Variants in USP28 observed in about 807,000 individuals in gnomAD.
USP28 encodes ubiquitin carboxyl-terminal hydrolase 28.
Under a neutral mutation model 145.0 loss-of-function variants are expected in USP28, and 113 were observed. The ratio of observed to expected loss-of-function variants is 0.78; its 90% CI spans 0.67 to 0.91. USP28 has a LOEUF of 0.91. USP28 is among the 40% of genes least tolerant of loss of function. USP28 has a pLI of 0.00. For synonymous variants in USP28, 447 were observed against 450.9 expected (o/e 0.99, Z 0.11); for missense variants, 1,201 against 1,289.6 (o/e 0.93, Z 1.05).
chr11:113,857,191 T>C (rs1947143899), intron 1 of USP28, among the ~76,000 whole-genome samples: 1 of 152,188 alleles, frequency 6.6e-6, no homozygotes, highest in Non-Finnish European at 1.5e-5. Context: ...ATACAGCAAT[T>C]TCCCCTGCTT....
At chr11:113,823,366 C>T (rs962683332) in intron 12 of USP28, among the ~76,000 whole-genome samples, 2 of 152,150 alleles carry the variant, frequency 1.3e-5, no homozygotes, top group Non-Finnish European at 2.9e-5. Context: ...CCTTGGTACA[C>T]TGCAGTAACT....
intron 3 of USP28, among the ~76,000 whole-genome samples, chr11:113,850,107 T>C (rs1374886544): frequency 2.0e-5 from 3 of 152,008 alleles, no homozygotes; most frequent in African/African-American, 4.8e-5. Flanking sequence ...AATTTCCCAA[T>C]CTAAGATAAC....
exon 25 of USP28, chr11:113,799,119 G>T: frequency 2.8e-6 from 3 of 1,088,426 alleles, no homozygotes; most frequent in Non-Finnish European, 4.0e-6. Flanking sequence ...GCATGGTTGG[G>T]GTCTGATCGG....
intron 3 of USP28, among the ~76,000 whole-genome samples, chr11:113,852,029 C>CT (rs953213157): frequency 1.6e-4 from 25 of 151,658 alleles, no homozygotes; most frequent in Admixed American, 6.6e-5. Flanking sequence ...ACAAATGAAA[C>CT]TTTTTTTTTC....
intron 1 of USP28, among the ~76,000 whole-genome samples, chr11:113,860,909 G>A (rs1184231795): frequency 6.6e-6 from 1 of 151,800 alleles, no homozygotes; most frequent in Non-Finnish European, 1.5e-5. Context: ...ACGAGGTCAG[G>A]AGCCCGAGGC....
intron 15 of USP28, among the ~76,000 whole-genome samples, chr11:113,813,377 G>C (rs1565352869): frequency 1.3e-5 from 2 of 152,134 alleles, no homozygotes; most frequent in South Asian, 4.2e-4. Context: ...GACACTCCTG[G>C]AGGCTCTTTA....
intron 1 of USP28, among the ~76,000 whole-genome samples, chr11:113,866,697 G>A (rs936290203): frequency 6.6e-6 from 1 of 152,158 alleles, no homozygotes; most frequent in Admixed American, 6.5e-5. Context: ...TATTGCTGGT[G>A]GGAATATAAA....
At chr11:113,828,712 C>G (rs1321260544) in intron 10 of USP28, 4 of 312,976 alleles carry the variant, frequency 1.3e-5, no homozygotes, top group Admixed American at 4.4e-5. Context: ...CCCCGTCTTT[C>G]CAACCCAGAA....
intron 1 of USP28, chr11:113,859,522 A>C (rs1344742774): frequency 1.3e-5 from 2 of 152,078 alleles, no homozygotes; most frequent in African/African-American, 4.8e-5. Context: ...TACATATACA[A>C]ATGCTATGAC....
At chr11:113,800,028 C>T (rs1398764014) in intron 24 of USP28, among the ~76,000 whole-genome samples, 6 of 150,838 alleles carry the variant, frequency 4.0e-5, no homozygotes, top group African/African-American at 7.3e-5. Flanking sequence ...TTTTTTGAGA[C>T]GGAGTCTCAC....
intron 24 of USP28, among the ~76,000 whole-genome samples, chr11:113,800,130 C>G (rs1184394153): frequency 6.6e-6 from 1 of 151,938 alleles, no homozygotes; most frequent in Non-Finnish European, 1.5e-5. Context: ...CTCAGCCTCC[C>G]AAGTAGCTGG....
At chr11:113,833,183 C>T (rs1039593715) in intron 7 of USP28, among the ~76,000 whole-genome samples, 1 of 152,140 alleles carries the variant, frequency 6.6e-6, no homozygotes, top group Non-Finnish European at 1.5e-5. Context: ...ATTCTTTCTA[C>T]TACTATTTCT....
At chr11:113,872,586 GAC>G (rs1396112395) in intron 1 of USP28, among the ~76,000 whole-genome samples, 4 of 151,998 alleles carry the variant, frequency 2.6e-5, no homozygotes, top group Admixed American at 6.6e-5. Context: ...CAGTTAATGA[GAC>G]AAAAGGAAAC....
chr11:113,807,261 C>T (rs1158766109), intron 18 of USP28, among the ~76,000 whole-genome samples: 2 of 151,956 alleles, frequency 1.3e-5, no homozygotes, highest in African/African-American at 4.8e-5. Flanking sequence ...TTAGTAGAGA[C>T]AGGGGTTTCA....
In USP28 at chr11:113,843,686, A is replaced by AG. The variant is rs1166910016; in HGVS notation, c.269-1919_269-1918insC. On this transcript the variant is annotated intron_variant, in intron 3 of 24. Transcript: ENST00000003302. ...AACTCTATCTCAAAAAAAAAAAAAA[A>AG]AAAACTAAAAAAAAATTTTTTTAAT... is the stretch of plus-strand genomic sequence containing the variant. 4.0e-5 allele frequency among the ~76,000 whole-genome samples: 6 copies of AG among 151,448 alleles called. No homozygotes were observed. The East Asian group carries it at 7.7e-4, about 19-fold the overall frequency.
Position 113,806,474 on chromosome 11 carries a change from T to C in USP28, c.2400+15A>G. ...GCCTATATTGTAAGAATTAGAATTT[T>C]AAAAACAGAGATACCTTAATCAGCC... On this transcript the variant is annotated intron_variant, in intron 19 of 24. Transcript: ENST00000003302. 1 of 1,602,642 alleles carries C rather than the reference T, an allele frequency of 6.2e-7. No individual in the cohort carries two copies.
intron 5 of USP28, among the ~76,000 whole-genome samples, chr11:113,840,122 G>A (rs1414399312): frequency 2.0e-5 from 3 of 152,070 alleles, no homozygotes; most frequent in African/African-American, 4.8e-5. Context: ...CTGGTTACTC[G>A]AACTAGAAAC....
chr11:113,844,046 C>G (rs1945532567), intron 3 of USP28, among the ~76,000 whole-genome samples: 1 of 152,054 alleles, frequency 6.6e-6, no homozygotes, highest in Non-Finnish European at 1.5e-5. Flanking sequence ...ATCTTCATGA[C>G]CTTAGATTAG....
At chr11:113,830,994 G>A (rs1238693963) in intron 8 of USP28, 51 bp from the exon 9 acceptor site, 1 of 1,589,830 alleles carries the variant, frequency 6.3e-7, no homozygotes, top group Admixed American at 1.7e-5. Context: ...TAAGATATGT[G>A]CTACATAAAA....
Sources: allele counts gnomAD v4.1 joint callset (sites outside exome capture counted in the v4.1 genomes callset), GRCh38; gene constraint gnomAD v4.1.1; transcripts MANE v1.5; gene names NCBI Gene and HGNC (gene_info 2026-07-23, HGNC 2026-07-21).